The following POU6F2 variants were observed in gnomAD, a reference collection of about 807,000 sequenced individuals.
POU6F2 encodes POU domain, class 6, transcription factor 2.
POU6F2 carries 31 observed loss-of-function variants against 71.3 expected under a neutral mutation model. The observed-to-expected ratio is 0.43, with a 90% CI of 0.33 to 0.59. The LOEUF is 0.59. Among genes scored for constraint, POU6F2 ranks in the 20% least tolerant of loss-of-function variants. The pLI, the probability that POU6F2 is intolerant of heterozygous loss-of-function variation, is 0.04. For synonymous variants in POU6F2, 347 were observed against 355.7 expected, an observed-to-expected ratio of 0.98 and a Z score of 0.27; for missense variants, 783 against 856.8, an observed-to-expected ratio of 0.91 and a Z score of 1.07.
chr7:39,194,188 A>G (rs1793727910), intron 2 of POU6F2, among the ~76,000 whole-genome samples: 1 of 152,220 alleles, frequency 6.6e-6, no homozygotes, highest in African/African-American at 2.4e-5. Context: ...GAAACTCCCA[A>G]ACACTCCAAA....
chr7:39,405,708 T>C (rs936625389), intron 5 of POU6F2, among the ~76,000 whole-genome samples: 1 of 152,252 alleles, frequency 6.6e-6, no homozygotes, highest in Admixed American at 6.5e-5. Flanking sequence ...GCCACACTTC[T>C]GCCTCATGGT....
chr7:39,177,034 G>C (rs376363684), intron 2 of POU6F2, among the ~76,000 whole-genome samples: 1 of 152,164 alleles, frequency 6.6e-6, no homozygotes, highest in African/African-American at 2.4e-5. Context: ...GGCTCACTCA[G>C]TTTAAAATCT....
intron 1 of POU6F2, among the ~76,000 whole-genome samples, chr7:39,053,882 C>G (rs1790450473): frequency 6.6e-6 from 1 of 152,018 alleles, no homozygotes; most frequent in African/African-American, 2.4e-5. Flanking sequence ...GCGGGCAGAT[C>G]ACTTGAGGTC....
intron 4 of POU6F2, among the ~76,000 whole-genome samples, chr7:39,221,065 T>A (rs1456825050): frequency 6.6e-6 from 1 of 152,190 alleles, no homozygotes; most frequent in Non-Finnish European, 1.5e-5. Flanking sequence ...TAAATTTTTT[T>A]AAAATATGGA....
intron 4 of POU6F2, among the ~76,000 whole-genome samples, chr7:39,292,518 T>C (rs1452876067): frequency 6.6e-6 from 1 of 152,184 alleles, no homozygotes; most frequent in Admixed American, 6.5e-5. Flanking sequence ...AGTAGCTCAC[T>C]GGGGAGCGAG....
chr7:39,384,234 C>G (rs1191590780), intron 5 of POU6F2, among the ~76,000 whole-genome samples: 1 of 152,132 alleles, frequency 6.6e-6, no homozygotes, highest in Non-Finnish European at 1.5e-5. Flanking sequence ...GATACTCTGT[C>G]CTGAGAAATA....
intron 4 of POU6F2, among the ~76,000 whole-genome samples, chr7:39,328,745 A>G (rs2128771055): frequency 6.6e-6 from 1 of 152,362 alleles, no homozygotes; most frequent in Non-Finnish European, 1.5e-5. Flanking sequence ...TTGCAAGATG[A>G]GTATAAATAC....
intron 1 of POU6F2, among the ~76,000 whole-genome samples, chr7:38,987,431 A>G (rs1788490597): frequency 1.3e-5 from 2 of 152,154 alleles, no homozygotes; most frequent in South Asian, 4.1e-4. Context: ...GATAATTGAC[A>G]TAGATGTATG....
Position 39,152,984 on chromosome 7 carries a change from G to A in POU6F2, c.278-51251G>A, listed in dbSNP as rs77941234. ...TGTTCCCAGGCTGCCTGTCACTTTG[G>A]GTAAGAAAACACACAGAGTTATGCT... On this transcript the variant is annotated intron_variant, in intron 2 of 9. Transcript: ENST00000518318. Among the ~76,000 whole-genome samples, 207 of 152,214 alleles carry A rather than the reference G, an allele frequency of 1.4e-3. 3 individuals are homozygous for A. The South Asian group carries it at 0.023, about 17-fold the overall frequency.
chr7:39,149,913 T>A (rs1424667267), intron 2 of POU6F2, among the ~76,000 whole-genome samples: 2 of 144,672 alleles, frequency 1.4e-5, no homozygotes, highest in African/African-American at 5.2e-5. Flanking sequence ...TGAGACGGAG[T>A]CTCGCTCTGT....
intron 1 of POU6F2, among the ~76,000 whole-genome samples, chr7:39,034,997 G>C (rs1370741622): frequency 6.6e-6 from 1 of 151,560 alleles, no homozygotes; most frequent in Non-Finnish European, 1.5e-5. Context: ...TCCATCTTCA[G>C]GTCTTTCTGA....
At chr7:39,055,470 T>TA in intron 1 of POU6F2, among the ~76,000 whole-genome samples, 1 of 152,294 alleles carries the variant, frequency 6.6e-6, no homozygotes, top group South Asian at 2.1e-4. Flanking sequence ...TTCCGCACTT[T>TA]AAAAAATCTG....
At chr7:39,251,313 C>T (rs1164633905) in intron 4 of POU6F2, among the ~76,000 whole-genome samples, 4 of 152,140 alleles carry the variant, frequency 2.6e-5, no homozygotes, top group Non-Finnish European at 5.9e-5. Context: ...CAGTTGATGG[C>T]ATCACAGGAG....
chr7:39,372,410 A>G lies in POU6F2; in HGVS notation c.972+32395A>G, dbSNP rs375704801. Among the ~76,000 whole-genome samples the G allele has an allele frequency of 2.0e-4, 31 of 152,342 alleles. No individual in the cohort carries two copies. The East Asian group carries it at 2.7e-3, about 13-fold the overall frequency. ...CAGAGAAAAAGGATCAATAGAATATATCTATCTATACAATTCCTTATAATG... is the reference window on the plus strand; with the variant it reads ...CAGAGAAAAAGGATCAATAGAATATGTCTATCTATACAATTCCTTATAATG... On this transcript the variant is annotated intron_variant, in intron 5 of 9. Coordinates refer to ENST00000518318, the MANE Select transcript of POU6F2 (RefSeq NM_001370959.1).
chr7:39,449,164 G>T (rs1788595971), intron 7 of POU6F2, among the ~76,000 whole-genome samples: 1 of 152,172 alleles, frequency 6.6e-6, no homozygotes, highest in African/African-American at 2.4e-5. Context: ...GGCACAAGGT[G>T]GTTTCCTGGG....
At chr7:39,221,261 C>T (rs1794349253) in intron 4 of POU6F2, among the ~76,000 whole-genome samples, 1 of 152,022 alleles carries the variant, frequency 6.6e-6, no homozygotes. Flanking sequence ...ACAAAGGATC[C>T]ACTTTGGTAA....
intron 2 of POU6F2, among the ~76,000 whole-genome samples, chr7:39,145,523 C>T (rs1792602019): frequency 6.6e-6 from 1 of 152,186 alleles, no homozygotes; most frequent in Non-Finnish European, 1.5e-5. Flanking sequence ...TACTTCTAAC[C>T]GGCAATGGTT....
rs1788487117 is a variant in POU6F2, at chr7:38,987,302, G to C, written c.105+9244G>C. Among the ~76,000 whole-genome samples, 3 of 152,128 alleles carry C rather than the reference G, an allele frequency of 2.0e-5. No individual in the cohort carries two copies. In the South Asian group the frequency reaches 6.2e-4, roughly 31 times the overall value. On this transcript the variant is annotated intron_variant, in intron 1 of 9. Transcript: ENST00000518318. The stretch of plus-strand genomic sequence containing the variant: ...AGAATGACAGAGAATGGCGTAAAGA[G>C]CTGGTTCTCAGTCAGACACACTGTG...
chr7:39,443,062 A>G (rs1788440457), intron 7 of POU6F2, among the ~76,000 whole-genome samples: 1 of 152,170 alleles, frequency 6.6e-6, no homozygotes, highest in Non-Finnish European at 1.5e-5. Context: ...AGTCTCTCTC[A>G]CAGGCCCAGA....
Sources: gnomAD v4.1 joint callset for allele counts (sites outside exome capture counted in the v4.1 genomes callset) on GRCh38, gnomAD v4.1.1 for gene constraint, MANE v1.5 for transcripts, NCBI Gene and HGNC (gene_info 2026-07-23, HGNC 2026-07-21) for gene names.